Variants in PLEKHG6 observed in about 807,000 individuals in gnomAD.
PLEKHG6 encodes the protein pleckstrin homology domain-containing family G member 6.
Under a neutral mutation model 97.5 loss-of-function variants are expected in PLEKHG6, and 91 were observed. That is an observed-to-expected ratio of 0.93 (90% CI 0.79 to 1.11). The LOEUF is 1.11. Ranked by LOEUF, PLEKHG6 falls within the 50% of genes most tolerant of loss-of-function variation. The probability of loss-of-function intolerance (pLI) is 0.00; values close to 1 mark genes in which losing one functional copy is unlikely to be tolerated. For synonymous variants in PLEKHG6, 466 were observed against 425.5 expected, an observed-to-expected ratio of 1.10 and a Z score of -1.17; for missense variants, 1,044 against 1,031.0, an observed-to-expected ratio of 1.01 and a Z score of -0.17.
chr12:6,326,296 C>G, intron 13 of PLEKHG6, 132 bp from the exon 14 acceptor site: 1 of 507,774 alleles, frequency 2.0e-6, no homozygotes, highest in East Asian at 4.0e-5. Flanking sequence ...CAGAGCAAGA[C>G]TCAGTCTCAA....
rs757217847 is a variant in PLEKHG6 at position 6,317,580 on chromosome 12, ATGCTCTGTGACT to A, written c.906_917del (p.Cys303_Leu306del). On this transcript the variant is annotated inframe_deletion, in exon 9 of 16. Transcript: ENST00000684764. ...GAAGCACAAGCGCTCTGGGAGGCAGATGCTCTGTGACTTGCTTATCAAGCCCCACCAGCGCAT... is the reference window on the plus strand; with the variant it reads ...GAAGCACAAGCGCTCTGGGAGGCAGATGCTTATCAAGCCCCACCAGCGCAT... 4.8e-5 allele frequency: 77 copies of A among 1,613,760 alleles called. No individual in the cohort carries two copies. The African/African-American group carries it at 8.9e-4, about 19-fold the overall frequency.
chr12:6,321,826 TAAAA>T (rs57346521), intron 13 of PLEKHG6, among the ~76,000 whole-genome samples: 1 of 97,390 alleles, frequency 1.0e-5, no homozygotes, highest in Non-Finnish European at 1.9e-5. Context: ...GACTCTGTCT[TAAAA>T]AAAAAAAAAA....
chr12:6,327,479 T>TGGGCCCCCCCCCCCCCCCCCCCCCC lies in PLEKHG6; in HGVS notation c.1896_1897insGGGCCCCCCCCCCCCCCCCCCCCCC (p.Pro633GlyfsTer45). ...TGGAACTCCGGGACATCCCTCTGCG[T>TGGGCCCCCCCCCCCCCCCCCCCCCC]CCCCACCCTCCCGACCCCCAAGCTC... On this transcript the variant is annotated frameshift_variant, in exon 15 of 16. Transcript: ENST00000684764. LOFTEE classifies it high-confidence loss of function. The TGGGCCCCCCCCCCCCCCCCCCCCCC allele has an allele frequency of 6.2e-7, 1 of 1,603,258 alleles. No homozygotes were observed. Among genetic ancestry groups the TGGGCCCCCCCCCCCCCCCCCCCCCC allele is most frequent in the Non-Finnish European group, 8.5e-7 (1 of 1,171,704 alleles).
Position 6,327,766 on chromosome 12 carries a change from C to A in PLEKHG6, c.2183C>A (p.Thr728Lys). Residue 728 changes from threonine to lysine, a missense_variant, in exon 15 of 16, where the codon ACA becomes AAA. Physicochemically the swap from Thr to Lys is moderately conservative, Grantham distance 78 (BLOSUM62 -1). Coordinates refer to ENST00000684764, the MANE Select transcript of PLEKHG6 (RefSeq NM_001384598.1). Reference protein sequence around the residue: ...EGPLFLKAGHTSLRPMRAEDM... With the variant: ...EGPLFLKAGHKSLRPMRAEDM... ...CCTCTGTTCCTGAAAGCTGGCCACA[C>A]ATCCCTGCGCCCAATGCGGGCTGAG... 6.5e-7 allele frequency: 1 copy of A among 1,537,544 alleles called. No homozygotes were observed. Among genetic ancestry groups the A allele is most frequent in the Admixed American group, 2.1e-5 (1 of 46,994 alleles).
intron 14 of PLEKHG6, 107 bp from the exon 15 acceptor site, chr12:6,327,147 C>T (rs1328869247): frequency 5.7e-6 from 4 of 704,066 alleles, no homozygotes; most frequent in East Asian, 2.5e-5. Context: ...AAAGATGATA[C>T]CAAAATAAGT....
rs372518965 is a variant in PLEKHG6, at chr12:6,312,281, C to G, written c.55C>G (p.Arg19Gly). 5 of 1,558,018 alleles carry G rather than the reference C, an allele frequency of 3.2e-6. No homozygotes were observed. In the East Asian group the frequency reaches 9.8e-5, roughly 31 times the overall value. The change falls in exon 2 of 16, where the codon CGC becomes GGC. Residue 19 changes from arginine (R) to glycine (G), a missense_variant. By Grantham distance (125) the Arg-to-Gly change is moderately radical. Transcript: ENST00000684764. Reference protein sequence around the residue: ...EGPLQGLVASRIETYGGRHRA... With the variant: ...EGPLQGLVASGIETYGGRHRA... ...CCCCCTCCAAGGACTCGTGGCCTCC[C>G]GCATTGAGACTTATGGGGGCCGGCA...
intron 3 of PLEKHG6, 80 bp from the exon 4 acceptor site, chr12:6,314,925 C>T: frequency 1.5e-6 from 2 of 1,373,862 alleles, no homozygotes; most frequent in Non-Finnish European, 1.0e-6. Flanking sequence ...CACACATGCA[C>T]ACACACACAG....
chr12:6,328,092 C>T lies in PLEKHG6; in HGVS notation c.2364-44C>T, dbSNP rs184832682. 58 of 1,613,330 alleles carry T rather than the reference C, an allele frequency of 3.6e-5. No homozygotes were observed. The African/African-American group carries it at 5.9e-4, about 16-fold the overall frequency. Reference sequence around the variant, plus strand: ...CCTCACTCTTCACCTGACCCTCACCCGTTGCCACTGAATGTCGCCTAACAC... The same window carrying T: ...CCTCACTCTTCACCTGACCCTCACCTGTTGCCACTGAATGTCGCCTAACAC... On this transcript the variant is annotated intron_variant, in intron 15 of 15. Coordinates refer to ENST00000684764, the MANE Select transcript of PLEKHG6 (RefSeq NM_001384598.1).
At chr12:6,313,243 G>A (rs371531196) in intron 2 of PLEKHG6, 246 of 1,477,270 alleles carry the variant, frequency 1.7e-4, no homozygotes, top group Non-Finnish European at 1.8e-4. Context: ...GGAGAGTTAC[G>A]AGAGACCAGA....
In PLEKHG6 at chr12:6,315,529, T is replaced by A. The variant is rs73259246; in HGVS notation, c.460-25T>A. 15 of 1,421,862 alleles carry A rather than the reference T, an allele frequency of 1.1e-5. No homozygotes were observed. Among genetic ancestry groups the A allele is most frequent in the Admixed American group, 2.2e-5 (1 of 46,032 alleles). The allele number at this position is 1,421,862 out of a possible 1,614,324, so 88.1% of individuals were successfully genotyped here. A position where few individuals can be genotyped will look rare whatever the true frequency, so the allele number is the denominator to read the frequency against. ...GCCATTCTAATTATCATTCCCCAACTGAACCAGCATTCTCCCCACCCCAGG... is the reference window on the plus strand; with the variant it reads ...GCCATTCTAATTATCATTCCCCAACAGAACCAGCATTCTCCCCACCCCAGG... On this transcript the variant is annotated intron_variant, in intron 4 of 15. Coordinates refer to ENST00000684764, the MANE Select transcript of PLEKHG6 (RefSeq NM_001384598.1). The surrounding 1 kb of genome is among the most constrained non-coding windows in gnomAD (Gnocchi z 4.5).
intron 13 of PLEKHG6, among the ~76,000 whole-genome samples, chr12:6,324,036 G>T (rs3782719): frequency 0.13 from 19,254 of 152,094 alleles, 1,332 homozygotes; most frequent in East Asian, 0.22. Flanking sequence ...TGGGTACAAA[G>T]GAAGAAGAAT....
In PLEKHG6 at chr12:6,318,788, C is replaced by G. The variant is rs1180003037; in HGVS notation, c.1319C>G (p.Thr440Ser). 4 of 1,614,108 alleles carry G rather than the reference C, an allele frequency of 2.5e-6. No individual in the cohort carries two copies. The highest frequency in any genetic ancestry group is 3.4e-6 in the Non-Finnish European group (4 of 1,179,998). The change falls in exon 12 of 16, where the codon ACC becomes AGC. Residue 440 changes from threonine to serine, a missense_variant. Transcript: ENST00000684764. Reference sequence around the variant, plus strand: ...CTCTTCTCTGATGTGCTCCTTGTGACCAAGCCCCAGCGCAAGGCGGACAAA... The same window carrying G: ...CTCTTCTCTGATGTGCTCCTTGTGAGCAAGCCCCAGCGCAAGGCGGACAAA... ...LFLFSDVLLV[T>S]KPQRKADKAK...
Position 6,327,606 on chromosome 12 carries a change from T to A in PLEKHG6, c.2023T>A (p.Ser675Thr). ...PTWSEEEDGA[S>T]ERGNVVVETL... Reference sequence around the variant, plus strand: ...CTGGTCTGAGGAAGAAGATGGGGCCTCCGAGCGAGGGAATGTGGTGGTGGA... The same window carrying A: ...CTGGTCTGAGGAAGAAGATGGGGCCACCGAGCGAGGGAATGTGGTGGTGGA... Residue 675 changes from serine to threonine, a missense_variant, in exon 15 of 16, where the codon TCC (serine) becomes ACC (threonine). Ser to Thr is a moderately conservative substitution (Grantham distance 58). Transcript: ENST00000684764. The A allele has an allele frequency of 6.3e-7, 1 of 1,581,334 alleles. No individual in the cohort carries two copies. The highest frequency in any genetic ancestry group is 8.6e-7 in the Non-Finnish European group (1 of 1,163,886).
intron 2 of PLEKHG6, chr12:6,312,760 T>G (rs1050114623): frequency 5.5e-5 from 65 of 1,179,152 alleles, no homozygotes; most frequent in Admixed American, 8.2e-5. Context: ...GAGCAAAGGT[T>G]CAGGGTGTCC....
Position 6,319,140 on chromosome 12 carries a change from G to A in PLEKHG6, c.1524+32G>A, listed in dbSNP as rs200555980. 66 of 1,461,656 alleles carry A rather than the reference G, an allele frequency of 4.5e-5. No individual in the cohort carries two copies. In the African/African-American group the frequency reaches 7.7e-4, roughly 17 times the overall value. 90.5% of individuals were successfully genotyped at this position (1,461,656 alleles called of 1,614,324 possible). On this transcript the variant is annotated intron_variant, in intron 13 of 15. Coordinates refer to ENST00000684764, the MANE Select transcript of PLEKHG6 (RefSeq NM_001384598.1). ...GAAAGCCAGCAACGGGGAGGCATGG[G>A]CAGGGGTCCCCGGAGCTCAGAAATG...
intron 11 of PLEKHG6, 73 bp downstream of exon 11, chr12:6,318,493 T>C (rs1359404280): frequency 2.0e-6 from 3 of 1,516,802 alleles, no homozygotes; most frequent in Middle Eastern, 1.8e-4. Flanking sequence ...ACGCCGGAAG[T>C]GGGAGAAGAG....
chr12:6,326,994 C>T (rs1366127766), intron 14 of PLEKHG6, among the ~76,000 whole-genome samples: 1 of 152,140 alleles, frequency 6.6e-6, no homozygotes. Context: ...AGTTCAGGAA[C>T]CACTCAGCAA....
Position 6,316,255 on chromosome 12 carries a change from G to A in PLEKHG6, c.607G>A (p.Val203Met). Residue 203 changes from valine to methionine, a missense_variant and splice_region_variant, in exon 7 of 16, where the codon GTG becomes ATG. Val to Met is a conservative substitution (Grantham distance 21). Transcript: ENST00000684764. The surrounding 1 kb of genome is among the most constrained non-coding windows in gnomAD (Gnocchi z 4.1). ...NLQRVGLLME[V>M]SAETLFGNVP... is the part of the protein sequence containing the mutation. ...TGCTCAGCTCTGCTCCCTCCTCCAG[G>A]TGTCAGCTGAGACCCTGTTTGGAAA... The A allele has an allele frequency of 1.9e-6, 3 of 1,551,040 alleles. No homozygotes were observed. The highest frequency in any genetic ancestry group is 1.7e-6 in the Non-Finnish European group (2 of 1,146,118).
At position 6,312,243 on chromosome 12, in the gene PLEKHG6, C is replaced by T; in HGVS notation, c.17C>T (p.Pro6Leu). The T allele has an allele frequency of 3.9e-6, 6 of 1,528,436 alleles. No individual in the cohort carries two copies. Among genetic ancestry groups the T allele is most frequent in the Non-Finnish European group, 5.2e-6 (6 of 1,144,946 alleles). The allele number at this position is 1,528,436 out of a possible 1,614,324, so 94.7% of individuals were successfully genotyped here. A position where few individuals can be genotyped will look rare whatever the true frequency, so the allele number is the denominator to read the frequency against. ...AGAGAAGGGATGAAGGCCTTTGGTCCTCCACATGAGGGCCCCCTCCAAGGA... is the reference window on the plus strand; with the variant it reads ...AGAGAAGGGATGAAGGCCTTTGGTCTTCCACATGAGGGCCCCCTCCAAGGA... MKAFG[P>L]PHEGPLQGLV... The change falls in exon 2 of 16, where the codon CCT (proline) becomes CTT (leucine). Residue 6 changes from proline (P) to leucine (L), a missense_variant. By Grantham distance (98) the Pro-to-Leu change is moderately conservative. Transcript: ENST00000684764.
Sources: gnomAD v4.1 joint callset for allele counts (sites outside exome capture counted in the v4.1 genomes callset) on GRCh38, gnomAD v4.1.1 for gene constraint, Gnocchi (gnomAD v3.1) non-coding constraint, MANE v1.5 for transcripts, NCBI Gene and HGNC (gene_info 2026-07-23, HGNC 2026-07-21) for gene names.